Variants in INSR observed in about 807,000 individuals in gnomAD.
INSR encodes IR.
In INSR, 67 loss-of-function variants were observed where a neutral mutation model predicts 142.6. That is an observed-to-expected ratio of 0.47 (90% CI 0.39 to 0.58). INSR has a LOEUF of 0.58. Among genes scored for constraint, INSR ranks in the 20% least tolerant of loss-of-function variants. The pLI, the probability that INSR is intolerant of heterozygous loss-of-function variation, is 0.00. For missense variants in INSR, 1,248 were observed against 1,833.2 expected (o/e 0.68, Z 5.83); for synonymous variants, 756 against 743.1 (o/e 1.02, Z -0.28).
chr19:7,248,593 TG>T (rs1568216399), intron 2 of INSR, among the ~76,000 whole-genome samples: 1 of 139,614 alleles, frequency 7.2e-6, no homozygotes, highest in African/African-American at 2.7e-5. Context: ...ACAAATAGCA[TG>T]AGGAAAATGA....
rs112024654 is a variant in INSR at position 7,190,089 on chromosome 19, G to A, written c.653-5452C>T. On this transcript the variant is annotated intron_variant, in intron 2 of 21. Transcript: ENST00000302850. ...CAGCTGGGCATGGAGGCTCATGCCT[G>A]TAATCCCAGCACTTTGGGAGGCTGA... Among the ~76,000 whole-genome samples the A allele has an allele frequency of 8.6e-3, 1,308 of 151,992 alleles. 10 individuals carry two copies. The highest frequency in any genetic ancestry group is 0.03 in the African/African-American group (1,241 of 41,492).
intron 1 of INSR, among the ~76,000 whole-genome samples, chr19:7,268,149 A>G (rs1209823965): frequency 6.6e-6 from 1 of 151,978 alleles, no homozygotes; most frequent in African/African-American, 2.4e-5. Flanking sequence ...TAAAATCACC[A>G]CCTCTGAAAT....
rs952958982 is a variant in INSR, at chr19:7,239,942, T to C, written c.652+27403A>G. Among the ~76,000 whole-genome samples the C allele has an allele frequency of 3.9e-5, 6 of 152,340 alleles. No homozygotes were observed. In the East Asian group the frequency reaches 1.2e-3, roughly 29 times the overall value. ...GAAGATCGCAGAGTTTTTTGTTTTTTGGTTTTTTTTGAGACGGAGTCTCAC... is the reference window on the plus strand; with the variant it reads ...GAAGATCGCAGAGTTTTTTGTTTTTCGGTTTTTTTTGAGACGGAGTCTCAC... On this transcript the variant is annotated intron_variant, in intron 2 of 21. Coordinates refer to ENST00000302850, the MANE Select transcript of INSR (RefSeq NM_000208.4).
chr19:7,174,739 C>T lies in INSR; in HGVS notation c.975-8G>A, dbSNP rs746428409. 48 of 1,609,832 alleles carry T rather than the reference C, an allele frequency of 3.0e-5. No individual in the cohort carries two copies. The highest frequency in any genetic ancestry group is 1.7e-4 in the Middle Eastern group (1 of 6,034). On this transcript the variant is annotated splice_polypyrimidine_tract_variant and splice_region_variant and intron_variant, in intron 3 of 21. Coordinates refer to ENST00000302850, the MANE Select transcript of INSR (RefSeq NM_000208.4). Reference sequence around the variant, plus strand: ...CATGGGGTGCACAGCAAGCTAAGGACGGAGCAGAGAGAGAGAGAAAGAGAA... The same window carrying T: ...CATGGGGTGCACAGCAAGCTAAGGATGGAGCAGAGAGAGAGAGAAAGAGAA...
intron 2 of INSR, among the ~76,000 whole-genome samples, chr19:7,230,641 G>A (rs189266264): frequency 3.2e-4 from 48 of 151,816 alleles, no homozygotes; most frequent in Middle Eastern, 3.4e-3. Flanking sequence ...ACCCCATCTC[G>A]ACTAAAAATA....
rs369261312 is a variant in INSR at position 7,174,563 on chromosome 19, G to A, written c.1123+20C>T. 232 of 1,612,838 alleles carry A rather than the reference G, an allele frequency of 1.4e-4. No individual in the cohort carries two copies. Among genetic ancestry groups the A allele is most frequent in the African/African-American group, 8.0e-5 (6 of 74,620 alleles). ...ATGGAGCCCAACAGGCACCCCCGAC[G>A]CCCACACAGAGACACTCACTGCCTC... On this transcript the variant is annotated intron_variant, in intron 4 of 21. Coordinates refer to ENST00000302850, the MANE Select transcript of INSR (RefSeq NM_000208.4).
chr19:7,252,126 T>C (rs1228805603), intron 2 of INSR, among the ~76,000 whole-genome samples: 1 of 151,732 alleles, frequency 6.6e-6, no homozygotes, highest in Admixed American at 6.6e-5. Flanking sequence ...ATACAAAAAT[T>C]TGCCAGTGCG....
chr19:7,239,937 T>G (rs1394579558), intron 2 of INSR, among the ~76,000 whole-genome samples: 2 of 152,142 alleles, frequency 1.3e-5, no homozygotes, highest in African/African-American at 4.8e-5. Context: ...GAGTTTTTTG[T>G]TTTTTGGTTT....
chr19:7,199,954 T>C (rs1974907597), intron 2 of INSR, among the ~76,000 whole-genome samples: 1 of 151,870 alleles, frequency 6.6e-6, no homozygotes, highest in African/African-American at 2.4e-5. Context: ...GGGGCGGGGA[T>C]TAGGTGACTG....
In INSR at chr19:7,115,023, T is replaced by C. The variant is rs762942775; in HGVS notation, c.*2033A>G. The C allele has an allele frequency of 1.3e-5, 2 of 152,240 alleles. No homozygotes were observed. Among genetic ancestry groups the C allele is most frequent in the African/African-American group, 2.4e-5 (1 of 41,466 alleles). 9.4% of individuals were successfully genotyped at this position (152,240 alleles called of 1,614,324 possible). On this transcript the variant is annotated 3_prime_UTR_variant, in exon 22 of 22. Coordinates refer to ENST00000302850, the MANE Select transcript of INSR (RefSeq NM_000208.4). ...TCACTGAGGCTCCTCAGCAATATTT[T>C]TACATGCTGTATTTTCCCGAATCAT...
chr19:7,218,911 T>C (rs77017252), intron 2 of INSR, among the ~76,000 whole-genome samples: 1 of 151,872 alleles, frequency 6.6e-6, no homozygotes, highest in Non-Finnish European at 1.5e-5. Flanking sequence ...GAAAAGCATG[T>C]AGGTAGAGGG....
chr19:7,261,505 G>C (rs1183663298), intron 2 of INSR, among the ~76,000 whole-genome samples: 1 of 151,836 alleles, frequency 6.6e-6, no homozygotes, highest in Non-Finnish European at 1.5e-5. Context: ...ATGTTTTTTT[G>C]TTTTTCTTTT....
rs1349953829 is a variant in INSR at position 7,168,529 on chromosome 19, C to G, written c.1484-435G>C. Among the ~76,000 whole-genome samples the G allele has an allele frequency of 2.0e-5, 3 of 152,182 alleles. No individual in the cohort carries two copies. The highest frequency in any genetic ancestry group is 2.0e-4 in the Admixed American group (3 of 15,278). The stretch of plus-strand genomic sequence containing the variant: ...ATGCCAAGTGAGTTTAGAGACCCTG[C>G]AGATCATTAGACATCGGAGAGACGC... On this transcript the variant is annotated intron_variant, in intron 6 of 21. Transcript: ENST00000302850. The surrounding 1 kb of genome is among the most constrained non-coding windows in gnomAD (Gnocchi z 4.3).
intron 2 of INSR, among the ~76,000 whole-genome samples, chr19:7,252,779 C>T (rs1207611794): frequency 3.3e-5 from 5 of 152,084 alleles, no homozygotes; most frequent in African/African-American, 4.8e-5. Flanking sequence ...ATCCAAGACC[C>T]TCCTCGCCTG....
chr19:7,193,182 G>A (rs1315944717), intron 2 of INSR, among the ~76,000 whole-genome samples: 2 of 149,992 alleles, frequency 1.3e-5, no homozygotes, highest in African/African-American at 4.9e-5. Context: ...GCAGTGGCAC[G>A]ATCTCAGCTC....
At chr19:7,178,026 A>G (rs1199656795) in intron 3 of INSR, among the ~76,000 whole-genome samples, 1 of 152,074 alleles carries the variant, frequency 6.6e-6, no homozygotes, top group Non-Finnish European at 1.5e-5. Flanking sequence ...CGTTGCTACA[A>G]GGGTCATTTT....
chr19:7,198,254 C>T (rs1280880270), intron 2 of INSR, among the ~76,000 whole-genome samples: 1 of 151,176 alleles, frequency 6.6e-6, no homozygotes, highest in Non-Finnish European at 1.5e-5. Flanking sequence ...GCTGCAGGGG[C>T]GCTGGCCCCG....
chr19:7,208,468 G>T (rs1393897280), intron 2 of INSR, among the ~76,000 whole-genome samples: 1 of 152,052 alleles, frequency 6.6e-6, no homozygotes, highest in Non-Finnish European at 1.5e-5. Context: ...TACCCAAATA[G>T]AAACTTTGCT....
intron 2 of INSR, among the ~76,000 whole-genome samples, chr19:7,228,423 A>G (rs920535030): frequency 6.6e-6 from 1 of 152,226 alleles, no homozygotes; most frequent in Non-Finnish European, 1.5e-5. Flanking sequence ...GGCTAAAGAC[A>G]GGAAGGTCAA....
Sources: allele counts gnomAD v4.1 joint callset (sites outside exome capture counted in the v4.1 genomes callset), GRCh38; gene constraint gnomAD v4.1.1; non-coding constraint Gnocchi (gnomAD v3.1); transcripts MANE v1.5; gene names NCBI Gene and HGNC (gene_info 2026-07-23, HGNC 2026-07-21).